The following CAMTA1 variants were observed in gnomAD, a reference collection of about 807,000 sequenced individuals.
CAMTA1 encodes the protein calmodulin binding transcription activator 1, also known as calmodulin-binding transcription activator 1.
A neutral mutation model predicts 170.9 loss-of-function variants in CAMTA1; 27 were observed. The ratio of observed to expected loss-of-function variants is 0.16; its 90% CI spans 0.12 to 0.22. The LOEUF (loss-of-function observed/expected upper bound fraction) is 0.22. CAMTA1 is among the 10% of genes least tolerant of loss of function. The probability of loss-of-function intolerance (pLI) is 1.00; values close to 1 mark genes in which losing one functional copy is unlikely to be tolerated. For missense variants in CAMTA1, 1,619 were observed against 2,217.2 expected (o/e 0.73, Z 5.42); for synonymous variants, 833 against 891.5 (o/e 0.93, Z 1.17).
At chr1:7,056,808 G>A (rs1015810861) in intron 3 of CAMTA1, among the ~76,000 whole-genome samples, 1 of 152,182 alleles carries the variant, frequency 6.6e-6, no homozygotes, top group African/African-American at 2.4e-5. Flanking sequence ...TTTCAAAGGA[G>A]TTTTGACAGG....
chr1:7,424,954 A>C (rs115408724), intron 5 of CAMTA1, among the ~76,000 whole-genome samples: 2 of 151,920 alleles, frequency 1.3e-5, no homozygotes, highest in Non-Finnish European at 2.9e-5. Context: ...GTGTCCCTGC[A>C]TAGGGAGGGA....
At chr1:7,193,964 A>G (rs369071895) in intron 4 of CAMTA1, among the ~76,000 whole-genome samples, 3 of 152,282 alleles carry the variant, frequency 2.0e-5, no homozygotes, top group African/African-American at 7.2e-5. Flanking sequence ...GGTAACCTAT[A>G]TTTTATTCAC....
intron 5 of CAMTA1, among the ~76,000 whole-genome samples, chr1:7,374,027 C>T (rs1311663265): frequency 6.6e-6 from 1 of 152,220 alleles, no homozygotes; most frequent in East Asian, 1.9e-4. Flanking sequence ...ACTGGTGGCT[C>T]CTGCCCAGGG....
intron 3 of CAMTA1, among the ~76,000 whole-genome samples, chr1:7,011,779 G>A (rs899657743): frequency 6.6e-6 from 1 of 152,174 alleles, no homozygotes; most frequent in South Asian, 2.1e-4. Flanking sequence ...TGGTGTGTCC[G>A]CAGTGCCAGC....
chr1:7,548,335 TAAG>T (rs1267266219), intron 6 of CAMTA1, among the ~76,000 whole-genome samples: 1 of 152,130 alleles, frequency 6.6e-6, no homozygotes, highest in Non-Finnish European at 1.5e-5. Context: ...CAAGCCTCCT[TAAG>T]GAGGAAGATT....
intron 4 of CAMTA1, among the ~76,000 whole-genome samples, chr1:7,141,208 C>G (rs1645868462): frequency 6.6e-6 from 1 of 152,066 alleles, no homozygotes; most frequent in Non-Finnish European, 1.5e-5. Context: ...GTCATAGAAC[C>G]TTGCAAAGGT....
At position 6,918,787 on chromosome 1, in the gene CAMTA1, C is replaced by T. The variant is rs192758058; in HGVS notation, c.234+93577C>T. Among the ~76,000 whole-genome samples the T allele has an allele frequency of 8.5e-5, 13 of 152,308 alleles. No individual in the cohort carries two copies. The East Asian group carries it at 2.5e-3, about 29-fold the overall frequency. ...AAGTTCAGTCATGCCCACCGCGTTC[C>T]CCCAGCCTGTCACCCTGTGGCTGGA... On this transcript the variant is annotated intron_variant, in intron 3 of 22. Coordinates refer to ENST00000303635, the MANE Select transcript of CAMTA1 (RefSeq NM_015215.4). This position sits in a 1 kb window ranked among gnomAD's most constrained non-coding sequence, Gnocchi z 4.0.
At chr1:7,349,161 A>G (rs187654053) in intron 5 of CAMTA1, among the ~76,000 whole-genome samples, 16 of 152,344 alleles carry the variant, frequency 1.1e-4, no homozygotes, top group African/African-American at 3.6e-4. Context: ...CATGTTAACG[A>G]CAGCACAGAA....
At chr1:6,907,976 G>A (rs1678909325) in intron 3 of CAMTA1, among the ~76,000 whole-genome samples, 1 of 152,180 alleles carries the variant, frequency 6.6e-6, no homozygotes, top group Admixed American at 6.5e-5. Context: ...TCCCTCGCCA[G>A]CCTCGTGGCC....
intron 3 of CAMTA1, among the ~76,000 whole-genome samples, chr1:6,955,912 C>T (rs562711943): frequency 6.6e-6 from 1 of 152,176 alleles, no homozygotes; most frequent in Non-Finnish European, 1.5e-5. Context: ...AATCAATAAC[C>T]CTTCAGGCAG....
intron 6 of CAMTA1, among the ~76,000 whole-genome samples, chr1:7,518,397 C>T (rs1168835433): frequency 1.3e-5 from 2 of 151,998 alleles, no homozygotes; most frequent in East Asian, 1.9e-4. Flanking sequence ...TCAACTTCAC[C>T]AGGAGCCCAG....
At chr1:7,259,178 A>C (rs1667831447) in intron 5 of CAMTA1, among the ~76,000 whole-genome samples, 1 of 151,976 alleles carries the variant, frequency 6.6e-6, no homozygotes, top group Non-Finnish European at 1.5e-5. Context: ...GCCCTCCCTC[A>C]CTGCAAGGCC....
intron 1 of CAMTA1, among the ~76,000 whole-genome samples, chr1:6,786,280 G>T (rs951406961): frequency 3.3e-5 from 5 of 151,732 alleles, no homozygotes; most frequent in African/African-American, 1.2e-4. Context: ...AAGGGGGCCT[G>T]CGCAGCATCC....
intron 5 of CAMTA1, among the ~76,000 whole-genome samples, chr1:7,297,411 G>A (rs2149531366): frequency 6.6e-6 from 1 of 152,306 alleles, no homozygotes; most frequent in East Asian, 1.9e-4. Context: ...CTAAGGCCTG[G>A]CCTTTTGGGG....
chr1:7,493,058 C>CAT (rs2093749763), intron 6 of CAMTA1, among the ~76,000 whole-genome samples: 1 of 89,356 alleles, frequency 1.1e-5, no homozygotes, highest in African/African-American at 6.1e-5. Context: ...TACATACACA[C>CAT]GCGCGCACAC....
chr1:7,761,385 T>A (rs2150291654), intron 22 of CAMTA1, among the ~76,000 whole-genome samples: 1 of 152,338 alleles, frequency 6.6e-6, no homozygotes, highest in South Asian at 2.1e-4. Flanking sequence ...CTGCTTTGCC[T>A]GTCTTCTGTG....
At position 7,284,177 on chromosome 1, in the gene CAMTA1, C is replaced by CTTATTA. The variant is rs537622620; in HGVS notation, c.438+34587_438+34592dup. 3.4e-3 allele frequency among the ~76,000 whole-genome samples: 336 copies of CTTATTA among 99,296 alleles called. 1 individual carries two copies. The highest frequency in any genetic ancestry group is 5.1e-3 in the Middle Eastern group (1 of 196). The allele number at this position is 99,296 out of a possible 152,430, so 65.1% of individuals were successfully genotyped here. A position where few individuals can be genotyped will look rare whatever the true frequency, so the allele number is the denominator to read the frequency against. On this transcript the variant is annotated intron_variant, in intron 5 of 22. Coordinates refer to ENST00000303635, the MANE Select transcript of CAMTA1 (RefSeq NM_015215.4). ...TCTTCTTCTTCTTCTTCTTCTTCTT[C>CTTATTA]TTATTATTATTATTATTATTATTAT...
At chr1:6,786,636 C>A (rs1639471535) in intron 1 of CAMTA1, among the ~76,000 whole-genome samples, 4 of 152,214 alleles carry the variant, frequency 2.6e-5, no homozygotes, top group African/African-American at 7.2e-5. Context: ...CATACTCTTA[C>A]ACTTTGCTGG....
intron 11 of CAMTA1, among the ~76,000 whole-genome samples, chr1:7,679,498 G>A (rs1048616839): frequency 6.6e-6 from 1 of 151,848 alleles, no homozygotes; most frequent in Non-Finnish European, 1.5e-5. Context: ...CTTCATGACA[G>A]ACACACCCCG....
Sources: allele counts gnomAD v4.1 joint callset (sites outside exome capture counted in the v4.1 genomes callset), GRCh38; gene constraint gnomAD v4.1.1; non-coding constraint Gnocchi (gnomAD v3.1); transcripts MANE v1.5; gene names NCBI Gene and HGNC (gene_info 2026-07-23, HGNC 2026-07-21).